The following WWP2 variants were observed in gnomAD, a reference collection of about 807,000 sequenced individuals.
WWP2 encodes WW domain containing E3 ubiquitin protein ligase 2, also known as NEDD4-like E3 ubiquitin-protein ligase WWP2.
Under a neutral mutation model 121.0 loss-of-function variants are expected in WWP2, and 57 were observed. The ratio of observed to expected loss-of-function variants is 0.47; its 90% CI spans 0.38 to 0.59. The LOEUF is 0.59. Ranked by LOEUF, WWP2 falls within the 20% of genes least tolerant of loss-of-function variation. WWP2 has a pLI of 0.00. For missense variants in WWP2, 962 were observed against 1,158.9 expected (o/e 0.83, Z 2.47); for synonymous variants, 449 against 441.3 (o/e 1.02, Z -0.22).
chr16:69,846,903 C>T (rs141908405), intron 6 of WWP2, among the ~76,000 whole-genome samples: 144 of 151,906 alleles, frequency 9.5e-4, no homozygotes, highest in Admixed American at 4.6e-4. Flanking sequence ...CTTCTTTAAA[C>T]GAAATATATA....
At chr16:69,858,415 T>C (rs2057357025) in intron 6 of WWP2, among the ~76,000 whole-genome samples, 2 of 152,206 alleles carry the variant, frequency 1.3e-5, no homozygotes, top group Admixed American at 6.5e-5. Flanking sequence ...CTGCTCTTCA[T>C]TCGCCAAAAC....
At chr16:69,934,181 C>T (rs2058761728) in intron 17 of WWP2, 52 bp downstream of exon 17, 2 of 1,599,278 alleles carry the variant, frequency 1.3e-6, no homozygotes, top group South Asian at 1.1e-5. Flanking sequence ...CCCTCCTCTT[C>T]CCTCTCCTGG....
chr16:69,918,692 C>T (rs1232740617), intron 10 of WWP2, among the ~76,000 whole-genome samples: 1 of 152,214 alleles, frequency 6.6e-6, no homozygotes, highest in Non-Finnish European at 1.5e-5. Context: ...AAATTGTTCT[C>T]TCCATTGGCC....
At chr16:69,939,817 G>A (rs773506844) in intron 23 of WWP2, 24 bp from the exon 24 acceptor site, 1 of 1,606,414 alleles carries the variant, frequency 6.2e-7, no homozygotes, top group Non-Finnish European at 8.5e-7. Flanking sequence ...AGGGCTGACT[G>A]TCGTGCTTCC....
At chr16:69,840,632 C>A (rs2056960752) in intron 5 of WWP2, among the ~76,000 whole-genome samples, 1 of 152,088 alleles carries the variant, frequency 6.6e-6, no homozygotes, top group African/African-American at 2.4e-5. Flanking sequence ...TTATGAGAGG[C>A]ATTGGTTGGG....
At position 69,851,997 on chromosome 16, in the gene WWP2, A is replaced by ACAAAACAAAG. The variant is rs1246025100; in HGVS notation, c.575+9886_575+9887insGCAAAACAAA. On this transcript the variant is annotated intron_variant, in intron 6 of 23. Coordinates refer to ENST00000359154, the MANE Select transcript of WWP2 (RefSeq NM_001270454.2). ...GAGATTCCAGCTAAAACAAAACAAAACAAAACAAAACAAAGTTTTTAACTT... is the reference window on the plus strand; with the variant it reads ...GAGATTCCAGCTAAAACAAAACAAAACAAAACAAAGCAAAACAAAACAAAGTTTTTAACTT... Among the ~76,000 whole-genome samples the ACAAAACAAAG allele has an allele frequency of 3.3e-5, 5 of 151,948 alleles. No homozygotes were observed. In the South Asian group the frequency reaches 6.2e-4, roughly 19 times the overall value.
intron 6 of WWP2, among the ~76,000 whole-genome samples, chr16:69,850,792 GC>G (rs1271117652): frequency 1.3e-5 from 2 of 152,142 alleles, no homozygotes; most frequent in Non-Finnish European, 2.9e-5. Flanking sequence ...CCTGCCATCT[GC>G]TTTTTTGTTG....
chr16:69,933,357 G>C (rs1017636357), intron 16 of WWP2, among the ~76,000 whole-genome samples: 2 of 152,190 alleles, frequency 1.3e-5, no homozygotes, highest in African/African-American at 4.8e-5. Context: ...GGAAGTGTGG[G>C]AACGGGGATG....
chr16:69,821,174 A>G (rs2056586502), intron 4 of WWP2, among the ~76,000 whole-genome samples: 1 of 152,106 alleles, frequency 6.6e-6, no homozygotes, highest in Admixed American at 6.5e-5. Context: ...GTCGCTTTCT[A>G]TCATCCTGCA....
In WWP2 at chr16:69,871,832, A is replaced by G; in HGVS notation, c.604A>G (p.Arg202Gly). 1 of 1,614,152 alleles carries G rather than the reference A, an allele frequency of 6.2e-7. No homozygotes were observed. Among genetic ancestry groups the G allele is most frequent in the South Asian group, 1.1e-5 (1 of 91,088 alleles). ...RTHRHSGASA[R>G]TTPATGEQSP... ...GCACAGACATTCGGGTGCTTCAGCCAGAACAACCCCAGCAACCGGCGAGCA... is the reference window on the plus strand; with the variant it reads ...GCACAGACATTCGGGTGCTTCAGCCGGAACAACCCCAGCAACCGGCGAGCA... The change falls in exon 7 of 24, where the codon AGA becomes GGA. Residue 202 changes from arginine (R) to glycine (G), a missense_variant. Physicochemically the swap from Arg to Gly is moderately radical, Grantham distance 125. Around this residue, in one of 3 missense-constraint regions of WWP2, gnomAD observed 211 missense variants for 196.5 expected, o/e 1.07. Transcript: ENST00000359154.
At chr16:69,885,400 A>G (rs892536072) in intron 7 of WWP2, among the ~76,000 whole-genome samples, 1 of 152,232 alleles carries the variant, frequency 6.6e-6, no homozygotes, top group African/African-American at 2.4e-5. Context: ...TTATTAAACA[A>G]CTAATTTAGC....
chr16:69,915,442 G>A (rs151253165), intron 9 of WWP2, among the ~76,000 whole-genome samples: 5 of 152,280 alleles, frequency 3.3e-5, no homozygotes, highest in South Asian at 2.1e-4. Context: ...GCCAGGCTTG[G>A]TGGTGCACAC....
chr16:69,763,233 T>C, intron 1 of WWP2, among the ~76,000 whole-genome samples: 1 of 152,154 alleles, frequency 6.6e-6, no homozygotes, highest in East Asian at 1.9e-4. Flanking sequence ...CTTTCTTCCG[T>C]TTAAATTATT....
At chr16:69,900,098 A>G (rs1249419883) in intron 8 of WWP2, among the ~76,000 whole-genome samples, 4 of 152,208 alleles carry the variant, frequency 2.6e-5, no homozygotes, top group Non-Finnish European at 5.9e-5. Flanking sequence ...GACGTAACAG[A>G]TGCACTTATA....
At chr16:69,815,907 GC>G (rs1300261755) in intron 4 of WWP2, among the ~76,000 whole-genome samples, 1 of 151,844 alleles carries the variant, frequency 6.6e-6, no homozygotes, top group Non-Finnish European at 1.5e-5. Flanking sequence ...ACAGGCGTGT[GC>G]CACCATACCA....
intron 8 of WWP2, among the ~76,000 whole-genome samples, chr16:69,906,534 A>G (rs1229988165): frequency 6.6e-6 from 1 of 152,246 alleles, no homozygotes; most frequent in Middle Eastern, 3.2e-3. Context: ...CTTCATATAC[A>G]GTTAGCTCTG....
Position 69,799,005 on chromosome 16 carries a change from A to G in WWP2, c.219-169A>G. On this transcript the variant is annotated intron_variant, in intron 3 of 23. Coordinates refer to ENST00000359154, the MANE Select transcript of WWP2 (RefSeq NM_001270454.2). This position sits in a 1 kb window ranked among gnomAD's most constrained non-coding sequence, Gnocchi z 4.5. ...CCATTGAGCTCATAGAGCGTTCATTATTATCTAGAGGGTTACAGGGTCAGC... is the reference window on the plus strand; with the variant it reads ...CCATTGAGCTCATAGAGCGTTCATTGTTATCTAGAGGGTTACAGGGTCAGC... 1 of 1,341,454 alleles carries G rather than the reference A, an allele frequency of 7.5e-7. No individual in the cohort carries two copies. The highest frequency in any genetic ancestry group is 1.0e-6 in the Non-Finnish European group (1 of 987,892). 83.1% of individuals were successfully genotyped at this position (1,341,454 alleles called of 1,614,324 possible).
chr16:69,770,690 C>T (rs570482354), intron 1 of WWP2, among the ~76,000 whole-genome samples: 1 of 152,090 alleles, frequency 6.6e-6, no homozygotes, highest in African/African-American at 2.4e-5. Flanking sequence ...AAGTCAGGGG[C>T]AGTCTTGGGG....
At chr16:69,780,279 G>A (rs2055636938) in intron 1 of WWP2, among the ~76,000 whole-genome samples, 2 of 150,142 alleles carry the variant, frequency 1.3e-5, no homozygotes, top group East Asian at 1.9e-4. Context: ...TCCCCTCTTG[G>A]CATTATCATT....
Sources: allele counts gnomAD v4.1 joint callset (sites outside exome capture counted in the v4.1 genomes callset), GRCh38; gene constraint gnomAD v4.1.1; regional missense constraint gnomAD v4.1.1; non-coding constraint Gnocchi (gnomAD v3.1); transcripts MANE v1.5; gene names NCBI Gene and HGNC (gene_info 2026-07-23, HGNC 2026-07-21).